Variants in MYO18B observed in about 807,000 individuals in gnomAD.
MYO18B encodes unconventional myosin-XVIIIb.
MYO18B carries 204 observed loss-of-function variants against 273.0 expected under a neutral mutation model. The observed-to-expected ratio is 0.75, with a 90% confidence interval of 0.67 to 0.84. The LOEUF (loss-of-function observed/expected upper bound fraction) is 0.84, where lower values mean the gene tolerates loss of function less well. Among genes scored for constraint, MYO18B ranks in the 40% least tolerant of loss-of-function variants. The probability of loss-of-function intolerance (pLI) is 0.00; values close to 1 mark genes in which losing one functional copy is unlikely to be tolerated. For missense variants in MYO18B, 3,212 were observed against 3,287.6 expected, an observed-to-expected ratio of 0.98 and a Z score of 0.56; for synonymous variants, 1,330 against 1,305.7, an observed-to-expected ratio of 1.02 and a Z score of -0.40.
At chr22:25,746,639 G>A (rs1469734111) in intron 1 of MYO18B, among the ~76,000 whole-genome samples, 3 of 152,216 alleles carry the variant, frequency 2.0e-5, no homozygotes, top group Non-Finnish European at 2.9e-5. Flanking sequence ...ACAACTTTCT[G>A]CGATGATAGG....
At chr22:25,851,929 T>G (rs2146049754) in intron 21 of MYO18B, among the ~76,000 whole-genome samples, 1 of 152,258 alleles carries the variant, frequency 6.6e-6, no homozygotes, top group Admixed American at 6.5e-5. Context: ...GGGACCCGAC[T>G]CAGCCCAGAA....
chr22:25,764,709 C>T (rs1003633262), intron 3 of MYO18B, among the ~76,000 whole-genome samples: 1 of 152,198 alleles, frequency 6.6e-6, no homozygotes, highest in African/African-American at 2.4e-5. Flanking sequence ...TGACCTAAGG[C>T]ATAAGTGGGG....
chr22:25,878,150 T>C, intron 25 of MYO18B, 102 bp downstream of exon 25: 1 of 928,272 alleles, frequency 1.1e-6, no homozygotes, highest in Non-Finnish European at 1.6e-6. Flanking sequence ...TGCTAATTGC[T>C]TTACAAGCAC....
intron 39 of MYO18B, among the ~76,000 whole-genome samples, chr22:25,969,964 C>A (rs2093019238): frequency 1.3e-5 from 2 of 151,864 alleles, no homozygotes; most frequent in South Asian, 4.2e-4. Context: ...TCATCATTGC[C>A]ATATCATCTT....
intron 33 of MYO18B, among the ~76,000 whole-genome samples, chr22:25,919,865 A>T (rs1452555647): frequency 6.6e-6 from 1 of 152,232 alleles, no homozygotes; most frequent in African/African-American, 2.4e-5. Context: ...TTCAGACAAT[A>T]CTCATAATCC....
At chr22:25,884,617 A>C (rs1301265958) in intron 25 of MYO18B, 3 of 152,252 alleles carry the variant, frequency 2.0e-5, no homozygotes, top group African/African-American at 7.2e-5. Context: ...CAGTTTGCCC[A>C]TACAAAACCG....
At chr22:25,953,352 C>T (rs2092813352) in intron 38 of MYO18B, among the ~76,000 whole-genome samples, 1 of 152,292 alleles carries the variant, frequency 6.6e-6, no homozygotes. Context: ...TAAAGCCAGG[C>T]AGTGCGTGGG....
chr22:25,783,379 A>G (rs1447091917), intron 10 of MYO18B, among the ~76,000 whole-genome samples: 1 of 152,258 alleles, frequency 6.6e-6, no homozygotes. Flanking sequence ...TGTGCGGTGC[A>G]TAGTAATGGT....
intron 33 of MYO18B, 91 bp downstream of exon 33, chr22:25,911,141 C>T: frequency 2.1e-6 from 2 of 934,770 alleles, no homozygotes; most frequent in East Asian, 2.6e-5. Flanking sequence ...TGAGGGATAC[C>T]CTCTCCTCCA....
chr22:25,994,971 G>A (rs1933075210), intron 40 of MYO18B, among the ~76,000 whole-genome samples: 1 of 151,302 alleles, frequency 6.6e-6, no homozygotes, highest in Admixed American at 6.6e-5. Flanking sequence ...ATTGGAAGGA[G>A]GCGGAGGGTC....
chr22:25,932,103 G>A (rs1348564572), intron 34 of MYO18B, among the ~76,000 whole-genome samples: 1 of 152,056 alleles, frequency 6.6e-6, no homozygotes, highest in Non-Finnish European at 1.5e-5. Flanking sequence ...AGAGATGGAT[G>A]GAACTGAGAT....
intron 34 of MYO18B, among the ~76,000 whole-genome samples, chr22:25,925,503 G>A (rs2092406917): frequency 6.6e-6 from 1 of 152,114 alleles, no homozygotes; most frequent in South Asian, 2.1e-4. Flanking sequence ...CATGACTTTT[G>A]ACAAGTGTCC....
chr22:25,843,798 G>A lies in MYO18B; in HGVS notation c.3272G>A (p.Trp1091Ter). 1 of 1,613,932 alleles carries A rather than the reference G, an allele frequency of 6.2e-7. No individual in the cohort carries two copies. Among genetic ancestry groups the A allele is most frequent in the Non-Finnish European group, 8.5e-7 (1 of 1,179,830 alleles). ...TGTGAGATTTTCCACCAGTTGGGAT[G>A]GGACCCTGTGCGGTACGACCTCACG... is the stretch of plus-strand genomic sequence containing the variant. The part of the protein sequence containing the change: ...LQCEIFHQLG[W>*]DPVRYDLTGW... The change falls in exon 18 of 44, where the codon TGG becomes TAG. Residue 1091 changes from tryptophan to a stop codon, truncating the protein, a stop_gained. Coordinates refer to ENST00000335473, the MANE Select transcript of MYO18B (RefSeq NM_032608.7). LOFTEE classifies it high-confidence loss of function.
intron 33 of MYO18B, among the ~76,000 whole-genome samples, chr22:25,911,329 T>C (rs2092154187): frequency 6.6e-6 from 1 of 152,224 alleles, no homozygotes; most frequent in Non-Finnish European, 1.5e-5. Flanking sequence ...CAGACAGTCC[T>C]TCCTTTAAGG....
chr22:25,888,995 C>T (rs1395483587), intron 25 of MYO18B, among the ~76,000 whole-genome samples: 3 of 151,506 alleles, frequency 2.0e-5, no homozygotes. Flanking sequence ...ATCAACAGTA[C>T]AGAAATGCAT....
intron 12 of MYO18B, among the ~76,000 whole-genome samples, chr22:25,802,765 A>AG (rs1369025355): frequency 1.1e-5 from 1 of 90,662 alleles, no homozygotes; most frequent in Non-Finnish European, 2.4e-5. Flanking sequence ...AAAAAAAAAA[A>AG]AAAAAAAAAA....
At chr22:25,807,236 T>C (rs2088519163) in intron 12 of MYO18B, among the ~76,000 whole-genome samples, 1 of 152,216 alleles carries the variant, frequency 6.6e-6, no homozygotes, top group South Asian at 2.1e-4. Context: ...AGCTCAGTGC[T>C]CTTTACACAG....
intron 20 of MYO18B, among the ~76,000 whole-genome samples, chr22:25,850,877 T>G (rs2090405996): frequency 6.6e-6 from 1 of 152,184 alleles, no homozygotes; most frequent in Non-Finnish European, 1.5e-5. Context: ...TATGGCTTCT[T>G]CAAAAACTGA....
intron 31 of MYO18B, among the ~76,000 whole-genome samples, chr22:25,905,746 C>G (rs1569175413): frequency 6.6e-6 from 1 of 152,208 alleles, no homozygotes; most frequent in Non-Finnish European, 1.5e-5. Context: ...GTCTCCTTAT[C>G]TGTACAATCA....
Sources: gnomAD v4.1 joint callset for allele counts (sites outside exome capture counted in the v4.1 genomes callset) on GRCh38, gnomAD v4.1.1 for gene constraint, MANE v1.5 for transcripts, NCBI Gene and HGNC (gene_info 2026-07-23, HGNC 2026-07-21) for gene names.